SLC9A9: variants seen among roughly 807,000 people sequenced by gnomAD.
The protein encoded by SLC9A9 is solute carrier family 9 member A9.
In SLC9A9, 62 loss-of-function variants were observed where a neutral mutation model predicts 77.8. That is an observed-to-expected ratio of 0.80 (90% CI 0.65 to 0.98). The LOEUF (loss-of-function observed/expected upper bound fraction) is 0.98, where lower values mean the gene tolerates loss of function less well. SLC9A9 is among the 50% of genes least tolerant of loss of function. The probability of loss-of-function intolerance (pLI) is 0.00; values close to 1 mark genes in which losing one functional copy is unlikely to be tolerated. For synonymous variants in SLC9A9, 320 were observed against 283.5 expected (o/e 1.13, Z -1.29); for missense variants, 775 against 774.9 (o/e 1.00, Z 0.00).
intron 5 of SLC9A9, among the ~76,000 whole-genome samples, chr3:143,682,013 G>A (rs1560028971): frequency 6.6e-6 from 1 of 152,146 alleles, no homozygotes; most frequent in Non-Finnish European, 1.5e-5. Context: ...TAGCTTTCCA[G>A]TCTCCATCTA....
intron 13 of SLC9A9, among the ~76,000 whole-genome samples, chr3:143,370,567 G>GCGCACACACACA (rs373398536): frequency 0.011 from 1,639 of 143,382 alleles, 26 homozygotes; most frequent in East Asian, 0.046. Flanking sequence ...GCATGTGCGC[G>GCGCACACACACA]CACACACACA....
chr3:143,649,571 T>C (rs531612813), intron 6 of SLC9A9, among the ~76,000 whole-genome samples: 2 of 152,324 alleles, frequency 1.3e-5, no homozygotes, highest in East Asian at 3.9e-4. Context: ...AGGCTTCTTA[T>C]ATTAGCAAAG....
At chr3:143,461,271 A>C (rs540823511) in intron 12 of SLC9A9, among the ~76,000 whole-genome samples, 1 of 152,324 alleles carries the variant, frequency 6.6e-6, no homozygotes. Flanking sequence ...TTTTAAATGC[A>C]GAAATAGGAG....
chr3:143,497,519 C>T (rs900403931), intron 9 of SLC9A9, among the ~76,000 whole-genome samples: 3 of 152,098 alleles, frequency 2.0e-5, no homozygotes, highest in Admixed American at 6.6e-5. Context: ...AGACAAAGGC[C>T]CCCACCTTTT....
At chr3:143,838,707 T>C (rs1024437364) in intron 1 of SLC9A9, among the ~76,000 whole-genome samples, 4 of 152,188 alleles carry the variant, frequency 2.6e-5, no homozygotes, top group Admixed American at 6.5e-5. Flanking sequence ...CTTTGTACAA[T>C]GCAAGACTTT....
chr3:143,459,301 T>C (rs1214059466), intron 12 of SLC9A9, among the ~76,000 whole-genome samples: 1 of 152,138 alleles, frequency 6.6e-6, no homozygotes, highest in African/African-American at 2.4e-5. Flanking sequence ...TTTCTGGGTA[T>C]TCATATGCTA....
intron 14 of SLC9A9, among the ~76,000 whole-genome samples, chr3:143,310,169 G>A: frequency 6.6e-6 from 1 of 152,150 alleles, no homozygotes; most frequent in Admixed American, 6.5e-5. Flanking sequence ...GAGTCAACTG[G>A]AAAGGATTTT....
chr3:143,495,701 G>A (rs1032884243), intron 9 of SLC9A9, among the ~76,000 whole-genome samples: 1 of 152,160 alleles, frequency 6.6e-6, no homozygotes, highest in African/African-American at 2.4e-5. Context: ...ATATTAACCA[G>A]CATGATCCTT....
At chr3:143,831,683 G>A (rs2009437316) in intron 2 of SLC9A9, among the ~76,000 whole-genome samples, 1 of 152,194 alleles carries the variant, frequency 6.6e-6, no homozygotes, top group Admixed American at 6.5e-5. Context: ...CAACGGTGCT[G>A]AAAGCACATG....
chr3:143,763,196 AG>A (rs2108833949), intron 4 of SLC9A9, among the ~76,000 whole-genome samples: 1 of 152,282 alleles, frequency 6.6e-6, no homozygotes, highest in East Asian at 1.9e-4. Context: ...TTATGACCAA[AG>A]GAGTTCATGA....
intron 9 of SLC9A9, among the ~76,000 whole-genome samples, chr3:143,527,778 G>A (rs1363299586): frequency 6.6e-6 from 1 of 152,096 alleles, no homozygotes; most frequent in Non-Finnish European, 1.5e-5. Flanking sequence ...TCAGCAGTGG[G>A]GCACAACCAA....
intron 9 of SLC9A9, among the ~76,000 whole-genome samples, chr3:143,510,965 T>C (rs537028570): frequency 1.3e-5 from 2 of 152,344 alleles, no homozygotes; most frequent in South Asian, 4.1e-4. Context: ...CTCCAAGAAA[T>C]TCCTGTCAGG....
chr3:143,286,340 C>T (rs1222233163), intron 14 of SLC9A9, among the ~76,000 whole-genome samples: 1 of 152,156 alleles, frequency 6.6e-6, no homozygotes, highest in Non-Finnish European at 1.5e-5. Context: ...GGCTGGTGCA[C>T]ACAGACCTGA....
At chr3:143,281,608 A>G (rs1257696957) in intron 14 of SLC9A9, among the ~76,000 whole-genome samples, 1 of 152,200 alleles carries the variant, frequency 6.6e-6, no homozygotes, top group Non-Finnish European at 1.5e-5. Flanking sequence ...ACAGAGAGTT[A>G]GATTGCAAAT....
At chr3:143,712,972 C>T (rs80236021) in intron 4 of SLC9A9, among the ~76,000 whole-genome samples, 3,625 of 152,126 alleles carry the variant, frequency 0.024, 144 homozygotes, top group African/African-American at 0.084. Flanking sequence ...CTCCCAACAC[C>T]ATCCACCACC....
At chr3:143,606,453 T>TATAC (rs1437320090) in intron 6 of SLC9A9, among the ~76,000 whole-genome samples, 20 of 144,296 alleles carry the variant, frequency 1.4e-4, no homozygotes, top group Non-Finnish European at 2.7e-4. Context: ...TATATATATA[T>TATAC]ATATATATGT....
chr3:143,312,290 A>G (rs973437849), intron 14 of SLC9A9, among the ~76,000 whole-genome samples: 1 of 152,274 alleles, frequency 6.6e-6, no homozygotes, highest in African/African-American at 2.4e-5. Flanking sequence ...AGTGGTTTTT[A>G]AATGGTTGAC....
intron 9 of SLC9A9, among the ~76,000 whole-genome samples, chr3:143,521,378 A>T (rs1166440214): frequency 1.8e-4 from 27 of 152,144 alleles, no homozygotes; most frequent in Non-Finnish European, 1.5e-5. Context: ...GATGCTGGTT[A>T]TACAGTTGAG....
At chr3:143,386,954 C>T (rs1207257587) in intron 12 of SLC9A9, among the ~76,000 whole-genome samples, 2 of 152,142 alleles carry the variant, frequency 1.3e-5, no homozygotes, top group Non-Finnish European at 2.9e-5. Context: ...GATTCTTTTG[C>T]CTTAGCCCCC....
Sources: gnomAD v4.1 joint callset for allele counts (sites outside exome capture counted in the v4.1 genomes callset) on GRCh38, gnomAD v4.1.1 for gene constraint, MANE v1.5 for transcripts, NCBI Gene and HGNC (gene_info 2026-07-23, HGNC 2026-07-21) for gene names.